Variants in MPPED2 observed in about 807,000 individuals in gnomAD.
MPPED2 encodes metallophosphoesterase MPPED2.
A neutral mutation model predicts 33.0 loss-of-function variants in MPPED2; 5 were observed. The ratio of observed to expected loss-of-function variants is 0.15; its 90% CI spans 0.08 to 0.32. MPPED2 has a LOEUF of 0.32. Among genes scored for constraint, MPPED2 ranks in the 10% least tolerant of loss-of-function variants. MPPED2 has a pLI of 1.00. For missense variants in MPPED2, 275 were observed against 372.1 expected, an observed-to-expected ratio of 0.74 and a Z score of 2.15; for synonymous variants, 136 against 141.9, an observed-to-expected ratio of 0.96 and a Z score of 0.29.
intron 3 of MPPED2, among the ~76,000 whole-genome samples, chr11:30,516,752 C>A (rs1253586277): frequency 6.6e-6 from 1 of 152,034 alleles, no homozygotes; most frequent in Non-Finnish European, 1.5e-5. Flanking sequence ...CTGTGTCCAG[C>A]AAATGCTTTT....
chr11:30,528,135 C>T (rs1019512029), intron 3 of MPPED2, among the ~76,000 whole-genome samples: 18 of 132,256 alleles, frequency 1.4e-4, no homozygotes, highest in African/African-American at 5.3e-4. Context: ...TTTTTATACA[C>T]AATACACACA....
At chr11:30,572,660 T>A (rs1956754279) in intron 2 of MPPED2, among the ~76,000 whole-genome samples, 2 of 152,246 alleles carry the variant, frequency 1.3e-5, no homozygotes, top group East Asian at 3.9e-4. Context: ...GCAGCCCAAC[T>A]CTGTAACAAA....
intron 4 of MPPED2, among the ~76,000 whole-genome samples, chr11:30,419,566 T>A (rs1948520077): frequency 6.6e-6 from 1 of 152,194 alleles, no homozygotes; most frequent in African/African-American, 2.4e-5. Flanking sequence ...CATCTGAGTT[T>A]CTTTTGGAGA....
intron 4 of MPPED2, among the ~76,000 whole-genome samples, chr11:30,470,222 C>T (rs977049180): frequency 3.3e-5 from 5 of 152,274 alleles, no homozygotes; most frequent in African/African-American, 1.2e-4. Context: ...TGGAAAACCT[C>T]CCTTCACTTG....
chr11:30,429,715 C>G (rs536882557), intron 4 of MPPED2, among the ~76,000 whole-genome samples: 2 of 152,240 alleles, frequency 1.3e-5, no homozygotes, highest in African/African-American at 4.8e-5. Flanking sequence ...GTTGGGATAA[C>G]AAGATCATCA....
chr11:30,522,792 A>C (rs1354759696), intron 3 of MPPED2, among the ~76,000 whole-genome samples: 2 of 152,216 alleles, frequency 1.3e-5, no homozygotes, highest in Non-Finnish European at 2.9e-5. Context: ...GTGTGGAGTG[A>C]GCTAATGATT....
chr11:30,395,587 A>G (rs1037558933), intron 6 of MPPED2, among the ~76,000 whole-genome samples: 1 of 152,184 alleles, frequency 6.6e-6, no homozygotes, highest in African/African-American at 2.4e-5. Context: ...CCCAAAGGAT[A>G]TTGTTCCCAT....
chr11:30,554,177 A>T (rs547586065), intron 2 of MPPED2, among the ~76,000 whole-genome samples: 2 of 152,198 alleles, frequency 1.3e-5, no homozygotes, highest in South Asian at 4.1e-4. Flanking sequence ...CTTTATGCCC[A>T]TCACTCAGTT....
chr11:30,487,625 C>T (rs1371073866), intron 4 of MPPED2, among the ~76,000 whole-genome samples: 1 of 151,954 alleles, frequency 6.6e-6, no homozygotes, highest in Non-Finnish European at 1.5e-5. Context: ...GGACTACAAG[C>T]ACATACCATG....
At chr11:30,559,673 T>C (rs1956153833) in intron 2 of MPPED2, among the ~76,000 whole-genome samples, 1 of 152,180 alleles carries the variant, frequency 6.6e-6, no homozygotes, top group African/African-American at 2.4e-5. Context: ...GAAAGTTATT[T>C]TTTTAATTTT....
chr11:30,543,195 G>T (rs1305679566), intron 2 of MPPED2, among the ~76,000 whole-genome samples: 1 of 152,122 alleles, frequency 6.6e-6, no homozygotes, highest in Non-Finnish European at 1.5e-5. Flanking sequence ...AGATATAAAG[G>T]TTCCTCATTC....
At chr11:30,580,161 G>A in intron 2 of MPPED2, 85 bp downstream of exon 2, 2 of 1,369,550 alleles carry the variant, frequency 1.5e-6, no homozygotes, top group Non-Finnish European at 1.0e-6. Flanking sequence ...AGTCTCCCTA[G>A]CAGAAGTTAA....
At chr11:30,468,604 GAGAAAAGAA>G (rs904039088) in intron 4 of MPPED2, among the ~76,000 whole-genome samples, 5 of 152,016 alleles carry the variant, frequency 3.3e-5, no homozygotes, top group African/African-American at 1.2e-4. Flanking sequence ...AGAAAGGAGA[GAGAAAAGAA>G]AGAAAAGATG....
chr11:30,389,055 C>T (rs1947737671), intron 6 of MPPED2: 10 of 1,423,306 alleles, frequency 7.0e-6, no homozygotes, highest in Middle Eastern at 2.6e-4. Flanking sequence ...GATTACCTTC[C>T]CATTCTCATA....
At chr11:30,456,211 G>A (rs775218047) in intron 4 of MPPED2, among the ~76,000 whole-genome samples, 12 of 152,342 alleles carry the variant, frequency 7.9e-5, no homozygotes, top group Non-Finnish European at 1.5e-4. Context: ...CTGGAGAAGA[G>A]ACGATTAAGG....
intron 4 of MPPED2, among the ~76,000 whole-genome samples, chr11:30,455,964 G>T (rs1796833675): frequency 6.6e-6 from 1 of 152,164 alleles, no homozygotes; most frequent in South Asian, 2.1e-4. Flanking sequence ...CGCTGCCCTG[G>T]GTAATGTTTC....
intron 1 of MPPED2, among the ~76,000 whole-genome samples, chr11:30,583,557 T>C (rs1590950723): frequency 6.6e-6 from 1 of 152,208 alleles, no homozygotes; most frequent in East Asian, 1.9e-4. Context: ...TGTGAGTACA[T>C]TTTGCATTTC....
intron 4 of MPPED2, among the ~76,000 whole-genome samples, chr11:30,469,518 C>T (rs1271645658): frequency 1.3e-5 from 2 of 152,102 alleles, no homozygotes; most frequent in Non-Finnish European, 2.9e-5. Flanking sequence ...GCAGAAAGAG[C>T]CAAGTTCAGT....
At chr11:30,515,768 G>C (rs1953498022) in intron 3 of MPPED2, among the ~76,000 whole-genome samples, 1 of 152,132 alleles carries the variant, frequency 6.6e-6, no homozygotes, top group Admixed American at 6.5e-5. Context: ...CCCCCAATTT[G>C]CCTTACAGAC....
Sources: allele counts gnomAD v4.1 joint callset (sites outside exome capture counted in the v4.1 genomes callset), GRCh38; gene constraint gnomAD v4.1.1; transcripts MANE v1.5; gene names NCBI Gene and HGNC (gene_info 2026-07-23, HGNC 2026-07-21).